The following LARGE1 variants were observed in gnomAD, a reference collection of about 807,000 sequenced individuals.
LARGE1 encodes the protein xylosyl- and glucuronyltransferase LARGE1.
LARGE1 carries 43 observed loss-of-function variants against 87.6 expected under a neutral mutation model. The observed-to-expected ratio is 0.49, with a 90% CI of 0.38 to 0.63. The LOEUF is 0.63. LARGE1 is among the 30% of genes least tolerant of loss of function. The pLI is 0.00. For missense variants in LARGE1, 802 were observed against 1,000.2 expected (o/e 0.80, Z 2.67); for synonymous variants, 434 against 394.6 (o/e 1.10, Z -1.18).
chr22:33,384,129 T>C, intron 8 of LARGE1, 63 bp downstream of exon 8: 1 of 1,148,622 alleles, frequency 8.7e-7, no homozygotes. Context: ...AATTTTAAGT[T>C]TCTTTGAGAA....
At chr22:33,339,811 C>T (rs1164450476) in intron 9 of LARGE1, among the ~76,000 whole-genome samples, 3 of 152,064 alleles carry the variant, frequency 2.0e-5, no homozygotes, top group Non-Finnish European at 4.4e-5. Flanking sequence ...TGGGACCAGG[C>T]ACATGCCACT....
rs775742985 is a variant in LARGE1, at chr22:33,304,383, G to T, written c.1576C>A (p.Arg526Ser). 1 of 1,614,136 alleles carries T rather than the reference G, an allele frequency of 6.2e-7. No homozygotes were observed. Among genetic ancestry groups the T allele is most frequent in the African/African-American group, 1.3e-5 (1 of 74,944 alleles). Reference protein sequence around the residue: ...YAQGSEVLMSRHNVGYHIVYK... With the variant: ...YAQGSEVLMSSHNVGYHIVYK... Reference sequence around the variant, plus strand: ...ACGATGTGGTAGCCCACGTTGTGGCGGCTCATAAGCACCTCAGAGCCCTGT... The same window carrying T: ...ACGATGTGGTAGCCCACGTTGTGGCTGCTCATAAGCACCTCAGAGCCCTGT... Residue 526 changes from arginine to serine, a missense_variant, in exon 12 of 15, where the codon CGC (arginine) becomes AGC (serine). Coordinates refer to ENST00000397394, the MANE Select transcript of LARGE1 (RefSeq NM_133642.5).
rs1037836225 is a variant in LARGE1 at position 33,383,824 on chromosome 22, T to C, written c.1005+368A>G. Among the ~76,000 whole-genome samples the C allele has an allele frequency of 2.0e-5, 3 of 152,180 alleles. No homozygotes were observed. The South Asian group carries it at 6.2e-4, about 31-fold the overall frequency. The stretch of plus-strand genomic sequence containing the variant: ...TTCTGGGGTCCCAGAGAGCAGGCCC[T>C]GTGCACTCCACCTGGTGATGAAGAG... On this transcript the variant is annotated intron_variant, in intron 8 of 14. Coordinates refer to ENST00000397394, the MANE Select transcript of LARGE1 (RefSeq NM_133642.5).
At chr22:33,789,231 G>C (rs1021250481) in intron 1 of LARGE1, among the ~76,000 whole-genome samples, 6 of 152,212 alleles carry the variant, frequency 3.9e-5, no homozygotes, top group Non-Finnish European at 5.9e-5. Context: ...CCATTGCTTC[G>C]GAGGGTGCAA....
At chr22:33,623,969 T>A (rs888523341) in intron 4 of LARGE1, among the ~76,000 whole-genome samples, 1 of 151,838 alleles carries the variant, frequency 6.6e-6, no homozygotes, top group African/African-American at 2.4e-5. Context: ...GGCAGAGGTT[T>A]CAGTGAGCCA....
intron 6 of LARGE1, among the ~76,000 whole-genome samples, chr22:33,558,855 G>T (rs1161588473): frequency 1.3e-5 from 2 of 152,222 alleles, no homozygotes; most frequent in Non-Finnish European, 2.9e-5. Context: ...AGAACTGTGA[G>T]GAAATGGAGC....
chr22:33,327,164 G>T (rs1405264214), intron 10 of LARGE1, among the ~76,000 whole-genome samples: 1 of 152,150 alleles, frequency 6.6e-6, no homozygotes, highest in Non-Finnish European at 1.5e-5. Context: ...TGTCTTGCAG[G>T]GTGATGCCAT....
chr22:33,473,412 C>A (rs2068937568), intron 6 of LARGE1, among the ~76,000 whole-genome samples: 1 of 152,076 alleles, frequency 6.6e-6, no homozygotes, highest in African/African-American at 2.4e-5. Context: ...TGCAGTGGCA[C>A]TATCTCGGCT....
intron 6 of LARGE1, among the ~76,000 whole-genome samples, chr22:33,474,326 G>C (rs978042082): frequency 3.9e-5 from 6 of 152,104 alleles, no homozygotes; most frequent in African/African-American, 1.4e-4. Flanking sequence ...ACCATGCCTG[G>C]CTAATTTTCT....
intron 6 of LARGE1, among the ~76,000 whole-genome samples, chr22:33,564,155 G>T (rs2077950535): frequency 1.3e-5 from 2 of 152,084 alleles, no homozygotes; most frequent in Admixed American, 1.3e-4. Context: ...CAGTATAGAA[G>T]AATTTTTAAA....
At chr22:33,683,902 T>TA (rs978765831) in intron 2 of LARGE1, among the ~76,000 whole-genome samples, 2 of 152,154 alleles carry the variant, frequency 1.3e-5, no homozygotes, top group African/African-American at 2.4e-5. Context: ...GCTGGGGGTT[T>TA]ACTGTAGGTA....
intron 7 of LARGE1, among the ~76,000 whole-genome samples, chr22:33,403,198 C>A (rs928565073): frequency 3.3e-5 from 5 of 152,198 alleles, no homozygotes; most frequent in Non-Finnish European, 7.3e-5. Context: ...ATACCCACAG[C>A]TTCCTGCACG....
At chr22:33,878,129 C>CTTTTTATTTTTTTTTTTTTTTTT (rs2064532373) in intron 1 of LARGE1, among the ~76,000 whole-genome samples, 1 of 44,652 alleles carries the variant, frequency 2.2e-5, no homozygotes, top group Non-Finnish European at 5.1e-5. Context: ...TATTGTATTT[C>CTTTTTATTTTTTTTTTTTTTTTT]TTTTTTTTTT....
At chr22:33,850,761 A>C (rs922301728) in intron 1 of LARGE1, among the ~76,000 whole-genome samples, 1 of 152,160 alleles carries the variant, frequency 6.6e-6, no homozygotes, top group East Asian at 1.9e-4. Flanking sequence ...CGGAGGGCAT[A>C]AAGGTAGCAG....
chr22:33,459,216 A>T (rs529264673), intron 6 of LARGE1, among the ~76,000 whole-genome samples: 52 of 152,164 alleles, frequency 3.4e-4, no homozygotes, highest in Admixed American at 7.2e-4. Context: ...TTTACCTTCC[A>T]TTTAACAGAA....
chr22:33,821,440 T>TA (rs2086811602), intron 1 of LARGE1, among the ~76,000 whole-genome samples: 2 of 152,208 alleles, frequency 1.3e-5, no homozygotes, highest in African/African-American at 2.4e-5. Context: ...GGCCATGACT[T>TA]ACACTTCTCA....
At chr22:33,755,176 G>T (rs1276338047) in intron 2 of LARGE1, among the ~76,000 whole-genome samples, 1 of 152,068 alleles carries the variant, frequency 6.6e-6, no homozygotes, top group East Asian at 1.9e-4. Context: ...TTTCAGAGGG[G>T]GTTCATGTTG....
chr22:33,905,963 C>G (rs1221685435), intron 1 of LARGE1, among the ~76,000 whole-genome samples: 1 of 152,040 alleles, frequency 6.6e-6, no homozygotes, highest in Non-Finnish European at 1.5e-5. Context: ...AACCCCATCT[C>G]TACTAAAAAT....
At chr22:33,143,318 G>A in the LARGE1 span, among the ~76,000 whole-genome samples, 1 of 151,920 alleles carries the variant, frequency 6.6e-6, no homozygotes, top group Non-Finnish European at 1.5e-5. Context: ...AGCTATTCTG[G>A]TTAAAAAAAT....
Sources: allele counts gnomAD v4.1 joint callset (sites outside exome capture counted in the v4.1 genomes callset), GRCh38; gene constraint gnomAD v4.1.1; transcripts MANE v1.5; gene names NCBI Gene and HGNC (gene_info 2026-07-23, HGNC 2026-07-21).